The following TOP3B variants were observed in gnomAD, a reference collection of about 807,000 sequenced individuals.
TOP3B encodes the protein DNA topoisomerase III beta.
A neutral mutation model predicts 93.9 loss-of-function variants in TOP3B; 45 were observed. The observed-to-expected ratio is 0.48, with a 90% CI of 0.38 to 0.61. The LOEUF is 0.61. Among genes scored for constraint, TOP3B ranks in the 20% least tolerant of loss-of-function variants. The probability of loss-of-function intolerance (pLI) is 0.00; values close to 1 mark genes in which losing one functional copy is unlikely to be tolerated. For synonymous variants in TOP3B, 357 were observed against 472.6 expected, an observed-to-expected ratio of 0.76 and a Z score of 3.17; for missense variants, 750 against 1,156.1, an observed-to-expected ratio of 0.65 and a Z score of 5.09.
chr22:21,964,516 G>C, intron 9 of TOP3B: 1 of 614,580 alleles, frequency 1.6e-6, no homozygotes, highest in Non-Finnish European at 2.8e-6. Context: ...GCTGAATCCC[G>C]CACCCGTAAG....
At chr22:21,979,465 T>C (rs190529090) in intron 1 of TOP3B, among the ~76,000 whole-genome samples, 72 of 152,104 alleles carry the variant, frequency 4.7e-4, no homozygotes, top group African/African-American at 1.7e-3. Context: ...CTGACAAGAC[T>C]GTCCATGTGG....
chr22:21,960,594 C>G (rs953389797), intron 13 of TOP3B, 145 bp from the exon 14 acceptor site: 13 of 1,111,752 alleles, frequency 1.2e-5, no homozygotes, highest in Non-Finnish European at 1.5e-5. Context: ...GCCCTGAGCT[C>G]CCCCTGCACT....
chr22:21,980,061 T>G (rs2084594885), intron 1 of TOP3B, among the ~76,000 whole-genome samples: 2 of 151,636 alleles, frequency 1.3e-5, no homozygotes, highest in South Asian at 4.2e-4. Context: ...AAATAAATCA[T>G]GCTAAGAAAG....
At chr22:21,969,428 C>G (rs1237771510) in intron 6 of TOP3B, 1 of 151,910 alleles carries the variant, frequency 6.6e-6, no homozygotes, top group Non-Finnish European at 1.5e-5. Context: ...TGGTGAAACC[C>G]CGTCTCTACT....
chr22:21,970,857 G>T lies in TOP3B; in HGVS notation c.385-451C>A, dbSNP rs2071608234. On this transcript the variant is annotated intron_variant, in intron 5 of 17. Transcript: ENST00000357179. The surrounding 1 kb of genome is among the most constrained non-coding windows in gnomAD (Gnocchi z 4.4). The stretch of plus-strand genomic sequence containing the variant: ...TTTTAAGAGGCTGAAGAAAAGACAG[G>T]GAAGGAAAAAAGAATGAAGGGGAAA... 2.2e-6 allele frequency: 1 copy of T among 447,990 alleles called. No homozygotes were observed. Among genetic ancestry groups the T allele is most frequent in the South Asian group, 3.1e-5 (1 of 32,076 alleles). 27.8% of individuals were successfully genotyped at this position (447,990 alleles called of 1,614,324 possible).
At chr22:21,975,592 A>G (rs755730010) in intron 2 of TOP3B, 48 bp downstream of exon 2, 1 of 1,554,114 alleles carries the variant, frequency 6.4e-7, no homozygotes, top group South Asian at 1.2e-5. Flanking sequence ...GTCCTGTAAC[A>G]CATAAACGAC....
rs1187888299 is a variant in TOP3B at position 21,959,177 on chromosome 22, G to A, written c.1860C>T (p.Pro620=). Residue 620 remains proline, a synonymous_variant, in exon 16 of 18, where the codon CCC becomes CCT. Coordinates refer to ENST00000357179, the MANE Select transcript of TOP3B (RefSeq NM_001282112.2). ...GGTGGCACTTCCCACAGCGTGAGAG[G>A]GGCTTGCCTGTGGCCGCCAGGGGCG... is the stretch of plus-strand genomic sequence containing the variant. ...SFSPLAATGK[P]LSRCGKCHRF... 1.1e-5 allele frequency: 17 copies of A among 1,613,660 alleles called. No homozygotes were observed. The highest frequency in any genetic ancestry group is 1.4e-5 in the Non-Finnish European group (16 of 1,180,012).
chr22:21,958,439 C>T, intron 17 of TOP3B, 53 bp downstream of exon 17: 1 of 1,611,948 alleles, frequency 6.2e-7, no homozygotes. Context: ...CAGGGGTTGG[C>T]ACTGAAAAGA....
Position 21,963,658 on chromosome 22 carries a change from C to T in TOP3B, c.1204+265G>A, listed in dbSNP as rs2071290130. On this transcript the variant is annotated intron_variant, in intron 11 of 17. Coordinates refer to ENST00000357179, the MANE Select transcript of TOP3B (RefSeq NM_001282112.2). This position sits in a 1 kb window ranked among gnomAD's most constrained non-coding sequence, Gnocchi z 4.8. ...GAGGTGTGCTGCCCCCTCCCCCACACCGCCACTCTCTACCCTGGTTTCATT... is the reference window on the plus strand; with the variant it reads ...GAGGTGTGCTGCCCCCTCCCCCACATCGCCACTCTCTACCCTGGTTTCATT... 8.2e-6 allele frequency: 4 copies of T among 488,810 alleles called. No homozygotes were observed. Among genetic ancestry groups the T allele is most frequent in the Non-Finnish European group, 3.7e-6 (1 of 272,220 alleles). The allele number at this position is 488,810 out of a possible 1,614,324, so 30.3% of individuals were successfully genotyped here.
In TOP3B at chr22:21,970,753, C is replaced by T. The variant is rs953934848; in HGVS notation, c.385-347G>A. 9.2e-6 allele frequency: 3 copies of T among 327,470 alleles called. No homozygotes were observed. Among genetic ancestry groups the T allele is most frequent in the East Asian group, 1.3e-4 (2 of 15,750 alleles). The allele number at this position is 327,470 out of a possible 1,614,324, so 20.3% of individuals were successfully genotyped here. A position where few individuals can be genotyped will look rare whatever the true frequency, so the allele number is the denominator to read the frequency against. ...ATGCTACTGCCAAGTACATGAGGGA[C>T]CTCTTAGTCCCCAAACCCATCCCAT... is the stretch of plus-strand genomic sequence containing the variant. On this transcript the variant is annotated intron_variant, in intron 5 of 17. Coordinates refer to ENST00000357179, the MANE Select transcript of TOP3B (RefSeq NM_001282112.2). This position sits in a 1 kb window ranked among gnomAD's most constrained non-coding sequence, Gnocchi z 4.4.
chr22:21,972,608 G>A lies in TOP3B; in HGVS notation c.309+4C>T, dbSNP rs1240702733. On this transcript the variant is annotated splice_donor_region_variant and intron_variant, in intron 4 of 17. Transcript: ENST00000357179. ...GTGCTCATGCCCAGGCCAGCCCCAC[G>A]CACCTGCAGGAACTTCACCATGTTC... 9 of 1,603,812 alleles carry A rather than the reference G, an allele frequency of 5.6e-6. No individual in the cohort carries two copies. The highest frequency in any genetic ancestry group is 4.4e-5 in the South Asian group (4 of 90,452).
chr22:21,961,903 C>G, intron 13 of TOP3B: 1 of 236,410 alleles, frequency 4.2e-6, no homozygotes. Flanking sequence ...GAGGAGTGTG[C>G]ACTGGTGACT....
chr22:21,968,540 G>A, intron 7 of TOP3B, 79 bp downstream of exon 7: 1 of 1,572,554 alleles, frequency 6.4e-7, no homozygotes, highest in Admixed American at 1.7e-5. Context: ...GGGCCTGCCG[G>A]CTGATGATGA....
chr22:21,964,168 G>C lies in TOP3B; in HGVS notation c.1091C>G (p.Ala364Gly). The part of the protein sequence containing the change: ...LRQQANHPYW[A>G]DTVKRLLAEG... ...CGGCCCGGCTCCACTCACCGTGTCG[G>C]CCCAGTAGGGGTGGTTGGCCTGCTG... The change falls in exon 10 of 18, where the codon GCC becomes GGC. Residue 364 changes from alanine (A) to glycine (G), a missense_variant. This residue lies in a region of TOP3B where 737 missense variants were observed against 933.7 expected (regional missense o/e 0.79). Coordinates refer to ENST00000357179, the MANE Select transcript of TOP3B (RefSeq NM_001282112.2). The C allele has an allele frequency of 6.2e-7, 1 of 1,614,082 alleles. No individual in the cohort carries two copies. The highest frequency in any genetic ancestry group is 8.5e-7 in the Non-Finnish European group (1 of 1,180,028).
chr22:21,974,741 G>C, intron 2 of TOP3B: 1 of 342,944 alleles, frequency 2.9e-6, no homozygotes. Context: ...GGAGCCAGGA[G>C]CAGGCAGGGG....
Position 21,962,564 on chromosome 22 carries a change from C to G in TOP3B, c.1390G>C (p.Glu464Gln). 6.2e-7 allele frequency: 1 copy of G among 1,613,594 alleles called. No homozygotes were observed. The highest frequency in any genetic ancestry group is 1.1e-5 in the South Asian group (1 of 91,082). The change falls in exon 13 of 18, where the codon GAG becomes CAG. Residue 464 changes from glutamate (E) to glutamine (Q), a missense_variant. Around this residue, in one of 4 missense-constraint regions of TOP3B, gnomAD observed 737 missense variants for 933.7 expected, o/e 0.79. Coordinates refer to ENST00000357179, the MANE Select transcript of TOP3B (RefSeq NM_001282112.2). Reference sequence around the variant, plus strand: ...CGCTGGCAAGTGGGCAGGCTCTCCTCCAGGGGCACGCTCTGCCAGGGCATG... The same window carrying G: ...CGCTGGCAAGTGGGCAGGCTCTCCTGCAGGGGCACGCTCTGCCAGGGCATG... ...EVMPWQSVPLEESLPTCQRGD... is the reference protein window; with the variant it reads ...EVMPWQSVPLQESLPTCQRGD...
Position 21,970,525 on chromosome 22 carries a change from G to A in TOP3B, c.385-119C>T. On this transcript the variant is annotated intron_variant, in intron 5 of 17. Transcript: ENST00000357179. The surrounding 1 kb of genome is among the most constrained non-coding windows in gnomAD (Gnocchi z 4.4). Reference sequence around the variant, plus strand: ...ACACGTGTGCTCGGCTCCCTCTCCTGCCCCTGCCAGACCCTCCTCTATCCC... The same window carrying A: ...ACACGTGTGCTCGGCTCCCTCTCCTACCCCTGCCAGACCCTCCTCTATCCC... 1 of 1,051,472 alleles carries A rather than the reference G, an allele frequency of 9.5e-7. No homozygotes were observed. The highest frequency in any genetic ancestry group is 1.4e-6 in the Non-Finnish European group (1 of 725,278). 65.1% of individuals were successfully genotyped at this position (1,051,472 alleles called of 1,614,324 possible). A position where few individuals can be genotyped will look rare whatever the true frequency, so the allele number is the denominator to read the frequency against.
chr22:21,971,615 CCAGA>C lies in TOP3B; in HGVS notation c.384+258_384+261del. 1.9e-6 allele frequency: 1 copy of C among 512,820 alleles called. No homozygotes were observed. The highest frequency in any genetic ancestry group is 3.6e-6 in the Non-Finnish European group (1 of 279,638). 31.8% of individuals were successfully genotyped at this position (512,820 alleles called of 1,614,324 possible). ...ATCCCATTCTGAAACCTGCATCCAC[CCAGA>C]CAATTTGGCCCCTCCTATGTTCACT... On this transcript the variant is annotated intron_variant, in intron 5 of 17. Coordinates refer to ENST00000357179, the MANE Select transcript of TOP3B (RefSeq NM_001282112.2). The surrounding 1 kb of genome is among the most constrained non-coding windows in gnomAD (Gnocchi z 4.6).
intron 4 of TOP3B, 80 bp downstream of exon 4, chr22:21,972,532 A>C: frequency 8.8e-7 from 1 of 1,136,360 alleles, no homozygotes; most frequent in South Asian, 1.5e-5. Flanking sequence ...ATTAGGACTC[A>C]AGCAAGGGTG....
Sources: allele counts gnomAD v4.1 joint callset (sites outside exome capture counted in the v4.1 genomes callset), GRCh38; gene constraint gnomAD v4.1.1; regional missense constraint gnomAD v4.1.1; non-coding constraint Gnocchi (gnomAD v3.1); transcripts MANE v1.5; gene names NCBI Gene and HGNC (gene_info 2026-07-23, HGNC 2026-07-21).